ZGPAT: variants seen among roughly 807,000 people sequenced by gnomAD.
The protein encoded by ZGPAT is zinc finger CCCH-type and G-patch domain containing, also known as zinc finger CCCH-type with G patch domain-containing protein.
A neutral mutation model predicts 47.9 loss-of-function variants in ZGPAT; 39 were observed. That is an observed-to-expected ratio of 0.81 (90% CI 0.63 to 1.06). The LOEUF (loss-of-function observed/expected upper bound fraction) is 1.06. ZGPAT is among the 50% of genes least tolerant of loss of function. The probability of loss-of-function intolerance (pLI) is 0.00; values close to 1 mark genes in which losing one functional copy is unlikely to be tolerated. For missense variants in ZGPAT, 717 were observed against 681.4 expected (o/e 1.05, Z -0.58); for synonymous variants, 348 against 292.9 (o/e 1.19, Z -1.92).
rs574358149 is a variant in ZGPAT at position 63,733,100 on chromosome 20, G to A, written c.585-119G>A. The A allele has an allele frequency of 9.9e-4, 1,294 of 1,304,648 alleles. 2 individuals are homozygous for A. The highest frequency in any genetic ancestry group is 1.2e-3 in the Non-Finnish European group (1,137 of 949,340). 80.8% of individuals were successfully genotyped at this position (1,304,648 alleles called of 1,614,324 possible). A position where few individuals can be genotyped will look rare whatever the true frequency, so the allele number is the denominator to read the frequency against. On this transcript the variant is annotated intron_variant, in intron 2 of 6. Coordinates refer to ENST00000355969, the MANE Select transcript of ZGPAT (RefSeq NM_181485.3). ...AGTGTGTGAGAGTGTGTATGTATACGCACGCGTGTGTGTCTGTCTCCCTCA... is the reference window on the plus strand; with the variant it reads ...AGTGTGTGAGAGTGTGTATGTATACACACGCGTGTGTGTCTGTCTCCCTCA...
chr20:63,708,900 C>G lies in ZGPAT; in HGVS notation c.320C>G (p.Ala107Gly). 1 of 1,612,282 alleles carries G rather than the reference C, an allele frequency of 6.2e-7. No homozygotes were observed. The highest frequency in any genetic ancestry group is 2.2e-5 in the East Asian group (1 of 44,880). The stretch of plus-strand genomic sequence containing the variant: ...TCCGGATCAGAGACCGTTCCTAAAG[C>G]AGAGGCGGGGCCAGAATCTGCGGCA... ...RGSGSETVPK[A>G]EAGPESAAGG... The change falls in exon 2 of 7, where the codon GCA becomes GGA. Residue 107 changes from alanine to glycine, a missense_variant. Coordinates refer to ENST00000355969, the MANE Select transcript of ZGPAT (RefSeq NM_181485.3).
intron 4 of ZGPAT, chr20:63,734,203 TATGC>T (rs2091952416): frequency 7.6e-6 from 2 of 264,438 alleles, no homozygotes; most frequent in Non-Finnish European, 7.3e-6. Flanking sequence ...GGGGTGTGTG[TATGC>T]GTGTGCGTGT....
intron 2 of ZGPAT, among the ~76,000 whole-genome samples, chr20:63,729,384 T>A (rs1459580720): frequency 6.6e-6 from 1 of 152,246 alleles, no homozygotes; most frequent in Admixed American, 6.5e-5. Flanking sequence ...CAGAAGCTTC[T>A]TTTAGTTTTA....
chr20:63,712,612 C>G (rs546078344), intron 2 of ZGPAT, among the ~76,000 whole-genome samples: 1 of 152,068 alleles, frequency 6.6e-6, no homozygotes, highest in East Asian at 1.9e-4. Context: ...ATTAAGCCTT[C>G]TGGCTGGGTG....
intron 2 of ZGPAT, among the ~76,000 whole-genome samples, chr20:63,720,785 A>G (rs2091779772): frequency 6.6e-6 from 1 of 152,140 alleles, no homozygotes; most frequent in African/African-American, 2.4e-5. Context: ...TGAATGGGCC[A>G]CACTTTCTTG....
intron 2 of ZGPAT, among the ~76,000 whole-genome samples, chr20:63,731,015 TG>T (rs1285156778): frequency 6.6e-6 from 1 of 151,398 alleles, no homozygotes; most frequent in Non-Finnish European, 1.5e-5. Context: ...TTAATTTTAC[TG>T]GTTCACTGAT....
chr20:63,730,941 TC>T (rs2091892397), intron 2 of ZGPAT, among the ~76,000 whole-genome samples: 2 of 141,502 alleles, frequency 1.4e-5, no homozygotes, highest in African/African-American at 5.8e-5. Context: ...TCTCTCTCTC[TC>T]TCTCTCTCTC....
chr20:63,733,877 G>A (rs2091948769), intron 4 of ZGPAT, 138 bp downstream of exon 4: 1 of 1,196,208 alleles, frequency 8.4e-7, no homozygotes, highest in Non-Finnish European at 1.1e-6. Flanking sequence ...CTGTGCCTGA[G>A]GAGGCCGTGT....
chr20:63,715,700 C>G (rs2091720632), intron 2 of ZGPAT, among the ~76,000 whole-genome samples: 3 of 152,172 alleles, frequency 2.0e-5, no homozygotes, highest in South Asian at 4.2e-4. Context: ...TTGATGCCAG[C>G]ATAATATTGG....
chr20:63,708,438 T>G, intron 1 of ZGPAT, 115 bp from the exon 2 acceptor site: 1 of 719,820 alleles, frequency 1.4e-6, no homozygotes, highest in Non-Finnish European at 2.2e-6. Flanking sequence ...CTGGGAGCTG[T>G]GCCTCTGAGC....
chr20:63,726,300 G>T (rs2091845184), intron 2 of ZGPAT, among the ~76,000 whole-genome samples: 1 of 150,036 alleles, frequency 6.7e-6, no homozygotes, highest in Non-Finnish European at 1.5e-5. Flanking sequence ...TCAGGTTCAA[G>T]TGATTCTCCT....
At chr20:63,723,556 C>G (rs1454041570) in intron 2 of ZGPAT, among the ~76,000 whole-genome samples, 2 of 110,694 alleles carry the variant, frequency 1.8e-5, no homozygotes, top group African/African-American at 7.2e-5. Flanking sequence ...CCCTTCTCCT[C>G]TGACATAGCT....
chr20:63,718,321 A>G (rs2145656091), intron 2 of ZGPAT, among the ~76,000 whole-genome samples: 1 of 148,642 alleles, frequency 6.7e-6, no homozygotes, highest in Non-Finnish European at 1.5e-5. Context: ...ATTTTCCAAA[A>G]AAGTTTTTCT....
rs1407743158 is a variant in ZGPAT at position 63,708,686 on chromosome 20, C to T, written c.106C>T (p.Leu36=). The part of the protein sequence containing the change: ...AGLDSSEQAD[L]RQLQGDLKEL... ...CCTGGATTCGTCTGAGCAGGCTGAC[C>T]TGCGCCAGCTGCAGGGGGACCTGAA... The change falls in exon 2 of 7, where the codon CTG becomes TTG. Residue 36 remains leucine, a synonymous_variant. Transcript: ENST00000355969. 4 of 1,612,668 alleles carry T rather than the reference C, an allele frequency of 2.5e-6. No homozygotes were observed. Among genetic ancestry groups the T allele is most frequent in the African/African-American group, 1.3e-5 (1 of 74,934 alleles).
At chr20:63,708,325 A>C (rs1601306282) in intron 1 of ZGPAT, 30 of 261,272 alleles carry the variant, frequency 1.1e-4, no homozygotes, top group Non-Finnish European at 1.4e-4. Context: ...CCCGCGGGGA[A>C]GGGGCTCCGG....
Position 63,735,534 on chromosome 20 carries a change from T to A in ZGPAT, c.1367T>A (p.Ile456Asn), listed in dbSNP as rs1375648178. 8 of 1,518,052 alleles carry A rather than the reference T, an allele frequency of 5.3e-6. No homozygotes were observed. In the Admixed American group the frequency reaches 1.8e-4, roughly 34 times the overall value. The allele number at this position is 1,518,052 out of a possible 1,614,324, so 94.0% of individuals were successfully genotyped here. The change falls in exon 6 of 7, where the codon ATC becomes AAC. Residue 456 changes from isoleucine to asparagine, a missense_variant. Transcript: ENST00000355969. ...IERTQRDIRS[I>N]QEALARNAGR... ...CGAACCCAGCGGGACATCAGGAGCA[T>A]CCAGGAGGCTCTCGCCCGCAACGCT...
At chr20:63,714,298 C>T (rs545003375) in intron 2 of ZGPAT, among the ~76,000 whole-genome samples, 3 of 151,360 alleles carry the variant, frequency 2.0e-5, no homozygotes, top group Non-Finnish European at 4.4e-5. Context: ...AGGTGATGTG[C>T]ACCTGTAGTC....
At chr20:63,709,590 T>C (rs1179765133) in intron 2 of ZGPAT, among the ~76,000 whole-genome samples, 1 of 152,114 alleles carries the variant, frequency 6.6e-6, no homozygotes, top group East Asian at 1.9e-4. Context: ...TGAGTGGAGA[T>C]GCAGCCACTG....
At chr20:63,709,884 G>A (rs1469269863) in intron 2 of ZGPAT, among the ~76,000 whole-genome samples, 3 of 151,458 alleles carry the variant, frequency 2.0e-5, no homozygotes, top group African/African-American at 4.9e-5. Flanking sequence ...TTTTTGAGAT[G>A]GAGTCTTGTT....
Sources: allele counts gnomAD v4.1 joint callset (sites outside exome capture counted in the v4.1 genomes callset), GRCh38; gene constraint gnomAD v4.1.1; transcripts MANE v1.5; gene names NCBI Gene and HGNC (gene_info 2026-07-23, HGNC 2026-07-21).